Variants in NCALD observed in about 807,000 individuals in gnomAD.
NCALD encodes neurocalcin-delta.
In NCALD, 10 loss-of-function variants were observed where a neutral mutation model predicts 18.6. The ratio of observed to expected loss-of-function variants is 0.54; its 90% CI spans 0.33 to 0.91. The LOEUF (loss-of-function observed/expected upper bound fraction) is 0.91, where lower values mean the gene tolerates loss of function less well. NCALD is among the 40% of genes least tolerant of loss of function. The pLI is 0.03. For missense variants in NCALD, 184 were observed against 247.6 expected (o/e 0.74, Z 1.72); for synonymous variants, 88 against 87.4 (o/e 1.01, Z -0.04).
intron 2 of NCALD, among the ~76,000 whole-genome samples, chr8:101,704,416 A>G (rs976886271): frequency 6.6e-6 from 1 of 152,146 alleles, no homozygotes; most frequent in East Asian, 1.9e-4. Context: ...AGTGAGAGGG[A>G]AATGTGGTAA....
chr8:101,830,658 G>A (rs1355581763), intron 4 of NCALD, among the ~76,000 whole-genome samples: 1 of 152,090 alleles, frequency 6.6e-6, no homozygotes, highest in Non-Finnish European at 1.5e-5. Context: ...AATAACAGAA[G>A]TGTGGGGCTC....
At chr8:102,036,205 AG>A (rs1040884970) in intron 1 of NCALD, among the ~76,000 whole-genome samples, 2 of 151,876 alleles carry the variant, frequency 1.3e-5, no homozygotes, top group Non-Finnish European at 2.9e-5. Context: ...CCAGCTACTC[AG>A]GGGGCTGAGG....
intron 4 of NCALD, among the ~76,000 whole-genome samples, chr8:101,822,584 A>G (rs1461495540): frequency 6.6e-6 from 1 of 152,198 alleles, no homozygotes; most frequent in Non-Finnish European, 1.5e-5. Context: ...CTACGTACCC[A>G]GTAGTGGCAG....
intron 4 of NCALD, among the ~76,000 whole-genome samples, chr8:101,803,059 T>G (rs1812930610): frequency 6.6e-6 from 1 of 152,174 alleles, no homozygotes; most frequent in African/African-American, 2.4e-5. Context: ...TGGAAGAAGA[T>G]GCCATCTAGA....
chr8:102,047,038 C>A (rs1823270457), intron 1 of NCALD, among the ~76,000 whole-genome samples: 1 of 152,170 alleles, frequency 6.6e-6, no homozygotes, highest in South Asian at 2.1e-4. Context: ...AGGTTCTTAT[C>A]ATTTAGCTCC....
chr8:101,701,077 C>T (rs567200333), intron 2 of NCALD, among the ~76,000 whole-genome samples: 53 of 152,320 alleles, frequency 3.5e-4, no homozygotes, highest in Middle Eastern at 6.8e-3. Context: ...GTCGAGGTGA[C>T]GAGTCCCAAT....
chr8:102,014,335 T>C (rs1822005652), intron 2 of NCALD, among the ~76,000 whole-genome samples: 1 of 152,142 alleles, frequency 6.6e-6, no homozygotes, highest in Admixed American at 6.5e-5. Flanking sequence ...CATAGGTTTC[T>C]TTTATTAGGG....
At chr8:101,771,319 C>T (rs759433636) in intron 1 of NCALD, among the ~76,000 whole-genome samples, 63 of 152,292 alleles carry the variant, frequency 4.1e-4, no homozygotes, top group Non-Finnish European at 7.2e-4. Flanking sequence ...AAAATTCCCA[C>T]AAAATGCATC....
At chr8:102,080,021 G>C (rs775663529) in intron 1 of NCALD, among the ~76,000 whole-genome samples, 1 of 152,166 alleles carries the variant, frequency 6.6e-6, no homozygotes, top group Non-Finnish European at 1.5e-5. Flanking sequence ...CAGGGAAGAC[G>C]TGATTGCAAA....
chr8:101,857,173 G>A (rs1318119336), intron 4 of NCALD, among the ~76,000 whole-genome samples: 1 of 152,202 alleles, frequency 6.6e-6, no homozygotes, highest in South Asian at 2.1e-4. Flanking sequence ...AGGATGTTAA[G>A]ATTTGCTTCA....
intron 2 of NCALD, 124 bp downstream of exon 2, chr8:101,719,128 G>T: frequency 1.8e-6 from 2 of 1,125,778 alleles, no homozygotes; most frequent in Non-Finnish European, 2.5e-6. Context: ...CATGCAGGGT[G>T]GGCCAAATGA....
chr8:101,934,969 G>A (rs1818707732), intron 2 of NCALD, among the ~76,000 whole-genome samples: 1 of 152,054 alleles, frequency 6.6e-6, no homozygotes, highest in South Asian at 2.1e-4. Context: ...AGCTGGCTGG[G>A]AAGAAGAAAA....
chr8:102,103,571 T>C (rs1419893163), intron 1 of NCALD, among the ~76,000 whole-genome samples: 1 of 152,166 alleles, frequency 6.6e-6, no homozygotes, highest in Non-Finnish European at 1.5e-5. Context: ...TTTCTTTTTT[T>C]TGAGACATGG....
At chr8:101,886,173 G>A (rs1019479493) in intron 4 of NCALD, among the ~76,000 whole-genome samples, 1 of 152,168 alleles carries the variant, frequency 6.6e-6, no homozygotes, top group Non-Finnish European at 1.5e-5. Context: ...ACCAAATTTG[G>A]AATAAAAGCT....
intron 1 of NCALD, among the ~76,000 whole-genome samples, chr8:101,781,387 A>G (rs921820775): frequency 1.3e-5 from 2 of 152,168 alleles, no homozygotes; most frequent in Non-Finnish European, 1.5e-5. Flanking sequence ...CCAAGAGCTC[A>G]GGGCTCACCA....
intron 1 of NCALD, among the ~76,000 whole-genome samples, chr8:102,025,200 C>T (rs1399332668): frequency 6.6e-6 from 1 of 152,172 alleles, no homozygotes; most frequent in Non-Finnish European, 1.5e-5. Flanking sequence ...ACTCTTCATT[C>T]ACCTAACTTG....
rs1051606675 is a variant in NCALD at position 101,960,512 on chromosome 8, G to A, written c.-156-44654C>T. On this transcript the variant is annotated intron_variant, in intron 2 of 6. Transcript: ENST00000311028. ...GCTAGTGGAGGAGAAAACTGGTATC[G>A]GAAAAAATGGAAACAGCTCAGCATG... Among the ~76,000 whole-genome samples the A allele has an allele frequency of 9.7e-4, 147 of 152,164 alleles. 1 individual carries two copies. Among genetic ancestry groups the A allele is most frequent in the African/African-American group, 3.0e-3 (126 of 41,500 alleles).
rs369393213 is a variant in NCALD at position 101,843,582 on chromosome 8, G to GTT, written c.-20+43557_-20+43558dup. On this transcript the variant is annotated intron_variant, in intron 4 of 6. Coordinates refer to the NCALD transcript ENST00000311028. ...TCTGTTCTATGAATCTTTAAAAATT[G>GTT]TTTTTTTTTTTTTTGAGACAGTCTT... Among the ~76,000 whole-genome samples, 17 of 125,122 alleles carry GTT rather than the reference G, an allele frequency of 1.4e-4. 1 individual carries two copies. Among genetic ancestry groups the GTT allele is most frequent in the Non-Finnish European group, 1.8e-4 (11 of 61,076 alleles). The allele number at this position is 125,122 out of a possible 152,430, so 82.1% of individuals were successfully genotyped here.
intron 2 of NCALD, among the ~76,000 whole-genome samples, chr8:101,698,481 G>C (rs36060688): frequency 0.034 from 5,178 of 152,080 alleles, 107 homozygotes; most frequent in Middle Eastern, 0.13. Context: ...CAAGACAATC[G>C]TAAGCAAAAA....
Sources: allele counts gnomAD v4.1 joint callset (sites outside exome capture counted in the v4.1 genomes callset), GRCh38; gene constraint gnomAD v4.1.1; transcripts MANE v1.5; gene names NCBI Gene and HGNC (gene_info 2026-07-23, HGNC 2026-07-21).